GRIK2: variants seen among roughly 807,000 people sequenced by gnomAD.
GRIK2 encodes the protein glutamate receptor ionotropic, kainate 2.
A neutral mutation model predicts 100.3 loss-of-function variants in GRIK2; 32 were observed. The ratio of observed to expected loss-of-function variants is 0.32; its 90% CI spans 0.24 to 0.43. The LOEUF (loss-of-function observed/expected upper bound fraction) is 0.43. Ranked by LOEUF, GRIK2 falls within the 20% of genes least tolerant of loss-of-function variation. The pLI, the probability that GRIK2 is intolerant of heterozygous loss-of-function variation, is 1.00. For missense variants in GRIK2, 843 were observed against 1,114.9 expected, an observed-to-expected ratio of 0.76 and a Z score of 3.47; for synonymous variants, 417 against 389.4, an observed-to-expected ratio of 1.07 and a Z score of -0.83.
At chr6:101,591,805 A>G (rs1778655080) in intron 2 of GRIK2, among the ~76,000 whole-genome samples, 1 of 152,044 alleles carries the variant, frequency 6.6e-6, no homozygotes, top group Non-Finnish European at 1.5e-5. Flanking sequence ...AAAGGGAAAT[A>G]CAATGGGCTT....
Position 101,617,625 on chromosome 6 carries a change from C to A in GRIK2, c.116-4324C>A, listed in dbSNP as rs181656699. Among the ~76,000 whole-genome samples, 382 of 151,750 alleles carry A rather than the reference C, an allele frequency of 2.5e-3. 1 individual carries two copies. The highest frequency in any genetic ancestry group is 8.9e-3 in the African/African-American group (370 of 41,480). The stretch of plus-strand genomic sequence containing the variant: ...AGCCAGTTTGTCTTTTTCATTTTAG[C>A]CATGCTGGTGTATATAAAATTGTTT... On this transcript the variant is annotated intron_variant, in intron 2 of 16. Transcript: ENST00000369134.
chr6:101,509,467 A>C (rs910690676), intron 2 of GRIK2, among the ~76,000 whole-genome samples: 1 of 152,194 alleles, frequency 6.6e-6, no homozygotes, highest in African/African-American at 2.4e-5. Context: ...CAGCTCTCCA[A>C]TTCAACTCAT....
At chr6:101,777,656 CTTCTA>C (rs563793039) in intron 7 of GRIK2, among the ~76,000 whole-genome samples, 32 of 152,218 alleles carry the variant, frequency 2.1e-4, no homozygotes, top group South Asian at 1.0e-3. Context: ...AATTCATAAA[CTTCTA>C]TTCTATTTAT....
intron 2 of GRIK2, among the ~76,000 whole-genome samples, chr6:101,556,321 A>ATTTTTTTTTT (rs10528480): frequency 0.016 from 976 of 59,332 alleles, 231 homozygotes; most frequent in Non-Finnish European, 0.024. Context: ...TATATTGGTA[A>ATTTTTTTTTT]TTTTTTTTTT....
intron 2 of GRIK2, among the ~76,000 whole-genome samples, chr6:101,496,282 CTA>C (rs1404359189): frequency 6.6e-6 from 1 of 152,024 alleles, no homozygotes; most frequent in African/African-American, 2.4e-5. Flanking sequence ...TAAAATAACA[CTA>C]TGCCTACATG....
intron 14 of GRIK2, among the ~76,000 whole-genome samples, chr6:101,999,086 T>TTCTTTAA (rs374374197): frequency 2.8e-4 from 42 of 152,214 alleles, no homozygotes; most frequent in African/African-American, 9.4e-4. Flanking sequence ...AGTGGGGTTT[T>TTCTTTAA]TCTTTAATCT....
At chr6:102,028,798 A>T (rs1346515060) in intron 14 of GRIK2, among the ~76,000 whole-genome samples, 1 of 151,166 alleles carries the variant, frequency 6.6e-6, no homozygotes, top group Non-Finnish European at 1.5e-5. Flanking sequence ...TTGCAAAATC[A>T]TGATGCCATG....
chr6:102,006,391 T>TATA lies in GRIK2; in HGVS notation c.2086-28950_2086-28949insATA, dbSNP rs1491491868. ...TTTTATATATATATATATATATATATTTTTTTTTTTTTTGAGACATACAGT... is the reference window on the plus strand; with the variant it reads ...TTTTATATATATATATATATATATATATATTTTTTTTTTTTTGAGACATACAGT... On this transcript the variant is annotated intron_variant, in intron 14 of 16. Coordinates refer to ENST00000369134, the MANE Select transcript of GRIK2 (RefSeq NM_021956.5). Among the ~76,000 whole-genome samples, 137 of 78,228 alleles carry TATA rather than the reference T, an allele frequency of 1.8e-3. 1 individual carries two copies. In the Middle Eastern group the frequency reaches 0.022, roughly 13 times the overall value. 51.3% of individuals were successfully genotyped at this position (78,228 alleles called of 152,430 possible).
intron 2 of GRIK2, among the ~76,000 whole-genome samples, chr6:101,555,955 A>G (rs377592240): frequency 1.1e-4 from 16 of 152,262 alleles, no homozygotes; most frequent in African/African-American, 3.8e-4. Context: ...AAGGAGAAAG[A>G]AGACAATAAG....
chr6:101,953,775 ATTAT>A (rs1201793259), intron 14 of GRIK2, among the ~76,000 whole-genome samples: 1 of 152,082 alleles, frequency 6.6e-6, no homozygotes, highest in African/African-American at 2.4e-5. Flanking sequence ...ATTTATTATA[ATTAT>A]TTATTGTTTG....
At chr6:101,525,457 T>C (rs1209519491) in intron 2 of GRIK2, among the ~76,000 whole-genome samples, 3 of 152,104 alleles carry the variant, frequency 2.0e-5, no homozygotes, top group Non-Finnish European at 4.4e-5. Context: ...CTTTTAACCT[T>C]TTGGAAAATT....
At chr6:101,781,949 A>T (rs1408929163) in intron 7 of GRIK2, among the ~76,000 whole-genome samples, 1 of 152,060 alleles carries the variant, frequency 6.6e-6, no homozygotes, top group Non-Finnish European at 1.5e-5. Flanking sequence ...TAGGTTTTGG[A>T]CACCCAACTT....
chr6:101,787,679 A>G (rs185821026), intron 7 of GRIK2, among the ~76,000 whole-genome samples: 1 of 152,124 alleles, frequency 6.6e-6, no homozygotes, highest in Non-Finnish European at 1.5e-5. Flanking sequence ...TGACTTTTGC[A>G]CCTTTTCAAC....
chr6:101,971,165 A>G (rs751856624), intron 14 of GRIK2, among the ~76,000 whole-genome samples: 4 of 144,482 alleles, frequency 2.8e-5, no homozygotes, highest in Admixed American at 6.7e-5. Flanking sequence ...AGCCAATGAG[A>G]TATATTCACA....
At chr6:102,004,100 A>G (rs1157518791) in intron 14 of GRIK2, among the ~76,000 whole-genome samples, 1 of 150,280 alleles carries the variant, frequency 6.7e-6, no homozygotes, top group East Asian at 2.0e-4. Context: ...TCACCAATGT[A>G]TTTTATATTT....
intron 2 of GRIK2, among the ~76,000 whole-genome samples, chr6:101,462,021 T>G (rs2518231): frequency 0.96 from 146,908 of 152,262 alleles, 70,906 homozygotes; most frequent in African/African-American, 0.99. Context: ...CCTAGTTTCG[T>G]ATACTTTAAT....
chr6:102,064,063 G>T, intron 16 of GRIK2: 1 of 1,129,548 alleles, frequency 8.9e-7, no homozygotes, highest in Middle Eastern at 2.0e-4. Flanking sequence ...GTATCCTTGT[G>T]CCTTTCTTTT....
intron 2 of GRIK2, among the ~76,000 whole-genome samples, chr6:101,462,281 C>A (rs1771354692): frequency 1.3e-5 from 2 of 152,064 alleles, no homozygotes; most frequent in Non-Finnish European, 2.9e-5. Context: ...TGAACATAGA[C>A]CCAAGCAGTT....
intron 4 of GRIK2, among the ~76,000 whole-genome samples, chr6:101,672,071 G>T (rs1268062153): frequency 6.6e-6 from 1 of 152,054 alleles, no homozygotes; most frequent in Non-Finnish European, 1.5e-5. Context: ...AAGGGTATTA[G>T]ATATGGCTAG....
Sources: gnomAD v4.1 joint callset for allele counts (sites outside exome capture counted in the v4.1 genomes callset) on GRCh38, gnomAD v4.1.1 for gene constraint, MANE v1.5 for transcripts, NCBI Gene and HGNC (gene_info 2026-07-23, HGNC 2026-07-21) for gene names.